Variants in CMYA5 observed in about 807,000 individuals in gnomAD.
CMYA5 encodes cardiomyopathy-associated protein 5.
A neutral mutation model predicts 318.9 loss-of-function variants in CMYA5; 246 were observed. The ratio of observed to expected loss-of-function variants is 0.77; its 90% CI spans 0.70 to 0.86. The LOEUF (loss-of-function observed/expected upper bound fraction) is 0.86. Among genes scored for constraint, CMYA5 ranks in the 40% least tolerant of loss-of-function variants. CMYA5 has a pLI of 0.00. For missense variants in CMYA5, 4,589 were observed against 4,678.2 expected, an observed-to-expected ratio of 0.98 and a Z score of 0.56; for synonymous variants, 1,641 against 1,729.5, an observed-to-expected ratio of 0.95 and a Z score of 1.27.
intron 5 of CMYA5, 93 bp downstream of exon 5, chr5:79,747,206 T>G: frequency 1.6e-6 from 2 of 1,217,936 alleles, no homozygotes; most frequent in Non-Finnish European, 2.3e-6. Context: ...GAGCTGCCAA[T>G]TAAAAAATGC....
chr5:79,759,258 C>CGA (rs1185269401), intron 7 of CMYA5, among the ~76,000 whole-genome samples: 1 of 152,182 alleles, frequency 6.6e-6, no homozygotes, highest in Non-Finnish European at 1.5e-5. Flanking sequence ...TTTAACAGTA[C>CGA]GAAAGCCTGA....
chr5:79,706,072 C>G (rs751685977), intron 1 of CMYA5, among the ~76,000 whole-genome samples: 1 of 152,064 alleles, frequency 6.6e-6, no homozygotes, highest in South Asian at 2.1e-4. Flanking sequence ...ATCGGCAGGT[C>G]GAGAAATAAT....
At position 79,735,439 on chromosome 5, in the gene CMYA5, C is replaced by G. The variant is rs771150618; in HGVS notation, c.6674C>G (p.Thr2225Ser). The G allele has an allele frequency of 6.2e-7, 1 of 1,613,852 alleles. No individual in the cohort carries two copies. The highest frequency in any genetic ancestry group is 1.7e-5 in the Admixed American group (1 of 60,012). Residue 2225 changes from threonine to serine, a missense_variant, in exon 2 of 13, where the codon ACC becomes AGC. Thr to Ser is a moderately conservative substitution (Grantham distance 58, BLOSUM62 1). This residue lies in a region of CMYA5 where 2,431 missense variants were observed against 2,495.1 expected (regional missense o/e 0.97). Coordinates refer to ENST00000446378, the MANE Select transcript of CMYA5 (RefSeq NM_153610.5). ...TVIDPEGTIP[T>S]NFNVAEKPAD... ...ATAGATCCTGAAGGTACAATTCCCA[C>G]CAATTTTAATGTAGCTGAGAAACCA... is the stretch of plus-strand genomic sequence containing the variant.
chr5:79,694,713 T>C (rs560334440), intron 1 of CMYA5, among the ~76,000 whole-genome samples: 3 of 152,268 alleles, frequency 2.0e-5, no homozygotes, highest in South Asian at 4.1e-4. Context: ...TTGTAAATGG[T>C]TTTCATTATC....
chr5:79,731,851 C>A lies in CMYA5; in HGVS notation c.3086C>A (p.Ala1029Glu), dbSNP rs1827916219. The change falls in exon 2 of 13, where the codon GCA becomes GAA. Residue 1029 changes from alanine to glutamate, a missense_variant. Coordinates refer to ENST00000446378, the MANE Select transcript of CMYA5 (RefSeq NM_153610.5). ...NELEPDSLLT[A>E]VSASGYSCFS... ...CTTGAGCCTGATTCACTATTAACTG[C>A]AGTGTCTGCTTCAGGTTATTCCTGC... The A allele has an allele frequency of 6.2e-7, 1 of 1,613,430 alleles. No homozygotes were observed. Among genetic ancestry groups the A allele is most frequent in the Non-Finnish European group, 8.5e-7 (1 of 1,179,740 alleles).
rs1170574955 is a variant in CMYA5, at chr5:79,736,427, G to A, written c.7662G>A (p.Gln2554=). The change falls in exon 2 of 13, where the codon CAG becomes CAA. Residue 2554 remains glutamine, a synonymous_variant. Coordinates refer to ENST00000446378, the MANE Select transcript of CMYA5 (RefSeq NM_153610.5). ...QVYVLSEGKK[Q]QEHQPYSVNV... ...ATGTGCTTTCAGAAGGAAAGAAGCA[G>A]CAGGAACATCAGCCTTATTCTGTGA... is the stretch of plus-strand genomic sequence containing the variant. The A allele has an allele frequency of 1.2e-6, 2 of 1,608,918 alleles. No homozygotes were observed. The highest frequency in any genetic ancestry group is 1.7e-6 in the Non-Finnish European group (2 of 1,177,438).
At chr5:79,769,533 G>GTTTCTA (rs1828817027) in intron 9 of CMYA5, among the ~76,000 whole-genome samples, 1 of 152,100 alleles carries the variant, frequency 6.6e-6, no homozygotes, top group Non-Finnish European at 1.5e-5. Flanking sequence ...CTATTTGTTA[G>GTTTCTA]TTTTCCTTCT....
chr5:79,732,807 G>GA lies in CMYA5; in HGVS notation c.4044dup (p.Pro1349ThrfsTer12). 6.2e-7 allele frequency: 1 copy of GA among 1,613,598 alleles called. No individual in the cohort carries two copies. Among genetic ancestry groups the GA allele is most frequent in the Non-Finnish European group, 8.5e-7 (1 of 1,179,794 alleles). ...GTCAGAAGAAATTAAAAAAGAAATT[G>GA]AACCCAGTTCCTCAACAACTACAGC... On this transcript the variant is annotated frameshift_variant, in exon 2 of 13. Coordinates refer to ENST00000446378, the MANE Select transcript of CMYA5 (RefSeq NM_153610.5). LOFTEE classifies it high-confidence loss of function.
At chr5:79,754,293 G>A (rs886153742) in intron 6 of CMYA5, among the ~76,000 whole-genome samples, 1 of 152,186 alleles carries the variant, frequency 6.6e-6, no homozygotes, top group Non-Finnish European at 1.5e-5. Context: ...GATACAATGA[G>A]AAAAGGATGT....
At chr5:79,701,589 T>TA (rs1250506271) in intron 1 of CMYA5, among the ~76,000 whole-genome samples, 3 of 152,206 alleles carry the variant, frequency 2.0e-5, no homozygotes, top group Non-Finnish European at 4.4e-5. Flanking sequence ...GATGCGGAAG[T>TA]ATCAGAATCC....
At chr5:79,710,190 A>G (rs1827362874) in intron 1 of CMYA5, among the ~76,000 whole-genome samples, 2 of 152,116 alleles carry the variant, frequency 1.3e-5, no homozygotes, top group Admixed American at 1.3e-4. Flanking sequence ...ATATAAAATA[A>G]TGTCATTCTT....
chr5:79,738,749 C>A lies in CMYA5; in HGVS notation c.9984C>A (p.Asp3328Glu). The change falls in exon 2 of 13, where the codon GAC (aspartate) becomes GAA (glutamate). Residue 3328 changes from aspartate to glutamate, a missense_variant. Physicochemically the swap from Asp to Glu is conservative, Grantham distance 45. Transcript: ENST00000446378. ...AMQKKAPITE[D>E]VRVATQKISY... ...AGAAGAAAGCTCCCATCACAGAGGA[C>A]GTCAGAGTGGCTACCCAGAAAATAA... is the stretch of plus-strand genomic sequence containing the variant. 6.2e-7 allele frequency: 1 copy of A among 1,613,882 alleles called. No homozygotes were observed. Among genetic ancestry groups the A allele is most frequent in the South Asian group, 1.1e-5 (1 of 91,076 alleles).
At chr5:79,708,864 G>A (rs759243353) in intron 1 of CMYA5, among the ~76,000 whole-genome samples, 14 of 152,074 alleles carry the variant, frequency 9.2e-5, no homozygotes, top group Non-Finnish European at 1.9e-4. Context: ...AACCTGGGAG[G>A]CGGAGGTTGC....
chr5:79,737,307 G>A lies in CMYA5; in HGVS notation c.8542G>A (p.Val2848Ile). The A allele has an allele frequency of 6.2e-7, 1 of 1,613,830 alleles. No homozygotes were observed. The highest frequency in any genetic ancestry group is 8.5e-7 in the Non-Finnish European group (1 of 1,179,798). ...AGAATTGACTCCAGAAAGGCATACA[G>A]TTCATACTATTCAGACATCTAAAGA... ...RSELTPERHT[V>I]HTIQTSKDDT... is the part of the protein sequence containing the mutation. Residue 2848 changes from valine to isoleucine, a missense_variant, in exon 2 of 13, where the codon GTT (valine) becomes ATT (isoleucine). Val to Ile is a conservative substitution (Grantham distance 29, BLOSUM62 3). Around this residue, in one of 3 missense-constraint regions of CMYA5, gnomAD observed 2,431 missense variants for 2,495.1 expected, o/e 0.97. Coordinates refer to ENST00000446378, the MANE Select transcript of CMYA5 (RefSeq NM_153610.5).
Position 79,738,426 on chromosome 5 carries a change from G to A in CMYA5, c.9661G>A (p.Ala3221Thr). 1.9e-6 allele frequency: 3 copies of A among 1,613,692 alleles called. No individual in the cohort carries two copies. Among genetic ancestry groups the A allele is most frequent in the Non-Finnish European group, 8.5e-7 (1 of 1,179,830 alleles). ...ASEGDSVNSE[A>T]SFPSRNSDTD... ...TGAAGGTGACAGTGTGAATTCTGAG[G>A]CATCATTTCCCAGCAGAAATTCTGA... The change falls in exon 2 of 13, where the codon GCA (alanine) becomes ACA (threonine). Residue 3221 changes from alanine (A) to threonine (T), a missense_variant. This residue lies in a region of CMYA5 where 2,431 missense variants were observed against 2,495.1 expected (regional missense o/e 0.97). Coordinates refer to ENST00000446378, the MANE Select transcript of CMYA5 (RefSeq NM_153610.5).
intron 7 of CMYA5, 70 bp from the exon 8 acceptor site, chr5:79,761,741 T>G (rs1189069770): frequency 2.7e-6 from 4 of 1,482,212 alleles, no homozygotes; most frequent in African/African-American, 1.4e-5. Flanking sequence ...CATAGATGAC[T>G]TTCTCCAGTA....
rs1343914797 is a variant in CMYA5, at chr5:79,732,058, C to T, written c.3293C>T (p.Thr1098Ile). Residue 1098 changes from threonine (T) to isoleucine (I), a missense_variant, in exon 2 of 13, where the codon ACA (threonine) becomes ATA (isoleucine). Physicochemically the swap from Thr to Ile is moderately conservative, Grantham distance 89. Coordinates refer to ENST00000446378, the MANE Select transcript of CMYA5 (RefSeq NM_153610.5). Reference sequence around the variant, plus strand: ...GCAGAAATTAAGCCAGAGATTCCAACAACCTCAACATCTGTATCTGAATAT... The same window carrying T: ...GCAGAAATTAAGCCAGAGATTCCAATAACCTCAACATCTGTATCTGAATAT... ...EKAEIKPEIP[T>I]TSTSVSEYLI... 6 of 1,614,000 alleles carry T rather than the reference C, an allele frequency of 3.7e-6. No homozygotes were observed. Among genetic ancestry groups the T allele is most frequent in the Admixed American group, 1.7e-5 (1 of 60,024 alleles).
chr5:79,763,810 G>A (rs564331896), intron 9 of CMYA5, among the ~76,000 whole-genome samples: 18 of 152,272 alleles, frequency 1.2e-4, no homozygotes, highest in African/African-American at 3.6e-4. Flanking sequence ...CTTATCTACC[G>A]AGGTGGTGTT....
intron 1 of CMYA5, among the ~76,000 whole-genome samples, chr5:79,723,537 G>A (rs1011237993): frequency 7.0e-6 from 1 of 143,878 alleles, no homozygotes; most frequent in Admixed American, 6.7e-5. Context: ...CAAGGCAGGA[G>A]GATGGCTTAA....
Sources: gnomAD v4.1 joint callset for allele counts (sites outside exome capture counted in the v4.1 genomes callset) on GRCh38, gnomAD v4.1.1 for gene constraint, gnomAD v4.1.1 regional missense constraint, MANE v1.5 for transcripts, NCBI Gene and HGNC (gene_info 2026-07-23, HGNC 2026-07-21) for gene names.